TANGO2: variants seen among roughly 807,000 people sequenced by gnomAD.
The protein encoded by TANGO2 is transport and Golgi organization protein 2 homolog.
TANGO2 carries 26 observed loss-of-function variants against 39.1 expected under a neutral mutation model. The observed-to-expected ratio is 0.67, with a 90% CI of 0.49 to 0.92. The LOEUF (loss-of-function observed/expected upper bound fraction) is 0.92. Among genes scored for constraint, TANGO2 ranks in the 40% least tolerant of loss-of-function variants. The pLI is 0.00. For missense variants in TANGO2, 326 were observed against 360.1 expected, an observed-to-expected ratio of 0.91 and a Z score of 0.77; for synonymous variants, 131 against 144.5, an observed-to-expected ratio of 0.91 and a Z score of 0.67.
At position 20,057,493 on chromosome 22, in the gene TANGO2, C is replaced by T. The variant is rs544564360; in HGVS notation, c.451+1480C>T. ...ACCTGGGGCTTATCCTTCCGGCCAC[C>T]CTCTGTGACCCTGGTCTTCCCCTCC... On this transcript the variant is annotated intron_variant, in intron 6 of 8. Coordinates refer to ENST00000327374, the MANE Select transcript of TANGO2 (RefSeq NM_152906.7). This position sits in a 1 kb window ranked among gnomAD's most constrained non-coding sequence, Gnocchi z 4.1. Among the ~76,000 whole-genome samples the T allele has an allele frequency of 5.7e-4, 87 of 152,332 alleles. 1 individual carries two copies. The highest frequency in any genetic ancestry group is 2.0e-3 in the Admixed American group (30 of 15,308).
In TANGO2 at chr22:20,065,445, A is replaced by G. The variant is rs1226320095; in HGVS notation, c.*783A>G. On this transcript the variant is annotated 3_prime_UTR_variant, in exon 9 of 9. Transcript: ENST00000327374. ...CAACCTCCGCCTCCCAAGTTCAAGC[A>G]ATTCTCCTGCCCCAGCCTCCTGATT... 1 of 151,804 alleles carries G rather than the reference A, an allele frequency of 6.6e-6. No homozygotes were observed. The highest frequency in any genetic ancestry group is 1.5e-5 in the Non-Finnish European group (1 of 68,034). The allele number at this position is 151,804 out of a possible 1,614,324, so 9.4% of individuals were successfully genotyped here.
intron 6 of TANGO2, among the ~76,000 whole-genome samples, chr22:20,059,520 C>T (rs1296668691): frequency 6.6e-6 from 1 of 152,226 alleles, no homozygotes; most frequent in East Asian, 1.9e-4. Flanking sequence ...CGGGTTGCAG[C>T]TTCTCTGAAT....
intron 8 of TANGO2, among the ~76,000 whole-genome samples, chr22:20,063,785 T>G (rs758204422): frequency 7.9e-4 from 121 of 152,356 alleles, no homozygotes; most frequent in Non-Finnish European, 1.5e-3. Context: ...GGCCAGCCTT[T>G]CCTGCCTGGG....
upstream of TANGO2, among the ~76,000 whole-genome samples, chr22:20,017,604 C>T (rs1457867910): frequency 2.0e-5 from 3 of 152,208 alleles, no homozygotes; most frequent in Admixed American, 6.5e-5. Flanking sequence ...CACAGCTCTG[C>T]GTCTGGGGAG....
chr22:20,021,099 C>G (rs1165891016), upstream of TANGO2: 1 of 153,232 alleles, frequency 6.5e-6, no homozygotes, highest in African/African-American at 2.4e-5. Context: ...GGCGCGCGGG[C>G]GCGGCACCCG....
In TANGO2 at chr22:20,052,453, C is replaced by A. The variant is rs1332186692; in HGVS notation, c.146-12C>A. 3.8e-6 allele frequency: 6 copies of A among 1,592,316 alleles called. No individual in the cohort carries two copies. In the Admixed American group the frequency reaches 1.1e-4, roughly 28 times the overall value. ...GTGGCATCAATGGTGGTAACACTGTCATCTGCCACAGGGCTGGACATGGAG... is the reference window on the plus strand; with the variant it reads ...GTGGCATCAATGGTGGTAACACTGTAATCTGCCACAGGGCTGGACATGGAG... On this transcript the variant is annotated splice_polypyrimidine_tract_variant and intron_variant, in intron 3 of 8. Coordinates refer to ENST00000327374, the MANE Select transcript of TANGO2 (RefSeq NM_152906.7).
intron 5 of TANGO2, chr22:20,053,832 G>C (rs1011389969): frequency 4.2e-6 from 2 of 477,800 alleles, no homozygotes; most frequent in Non-Finnish European, 8.3e-6. Context: ...GGCTCTGGCC[G>C]GGTGTCCTCC....
Position 20,057,392 on chromosome 22 carries a change from G to A in TANGO2, c.451+1379G>A, listed in dbSNP as rs1403997967. On this transcript the variant is annotated intron_variant, in intron 6 of 8. Coordinates refer to ENST00000327374, the MANE Select transcript of TANGO2 (RefSeq NM_152906.7). The surrounding 1 kb of genome is among the most constrained non-coding windows in gnomAD (Gnocchi z 4.1). The stretch of plus-strand genomic sequence containing the variant: ...TGGGCTAGTTGGGATCTCCAGAGGA[G>A]GCATCTGCCTGGAGGGTGGCTTCCA... Among the ~76,000 whole-genome samples the A allele has an allele frequency of 6.6e-6, 1 of 152,184 alleles. No homozygotes were observed. Among genetic ancestry groups the A allele is most frequent in the Non-Finnish European group, 1.5e-5 (1 of 68,022 alleles).
chr22:20,039,283 C>G (rs2043450222), intron 2 of TANGO2, among the ~76,000 whole-genome samples: 1 of 151,966 alleles, frequency 6.6e-6, no homozygotes, highest in Non-Finnish European at 1.5e-5. Context: ...AACCAAGACC[C>G]TGCAGCAAGA....
At chr22:20,023,400 G>A (rs55725292) in intron 1 of TANGO2, among the ~76,000 whole-genome samples, 26,523 of 152,220 alleles carry the variant, frequency 0.17, 3,101 homozygotes, top group Non-Finnish European at 0.25. Context: ...AGGGCCTGAG[G>A]ATGGGGCCAC....
At chr22:20,046,229 T>A (rs2045158136) in intron 3 of TANGO2, among the ~76,000 whole-genome samples, 1 of 152,108 alleles carries the variant, frequency 6.6e-6, no homozygotes, top group African/African-American at 2.4e-5. Context: ...CACTGCAGCC[T>A]CTAACTCCTG....
At chr22:20,021,671 T>C (rs1202774731) in intron 1 of TANGO2, among the ~76,000 whole-genome samples, 1 of 152,082 alleles carries the variant, frequency 6.6e-6, no homozygotes, top group African/African-American at 2.4e-5. Context: ...GAGGTTTGGG[T>C]AGTTAGATCC....
chr22:20,027,500 A>G (rs934288666), intron 1 of TANGO2, among the ~76,000 whole-genome samples: 15 of 152,214 alleles, frequency 9.9e-5, no homozygotes, highest in Non-Finnish European at 2.2e-4. Flanking sequence ...GAACGGAGCA[A>G]TGGGACCCTA....
intron 1 of TANGO2, among the ~76,000 whole-genome samples, chr22:20,022,704 C>T (rs544677183): frequency 3.0e-4 from 45 of 152,362 alleles, no homozygotes; most frequent in Admixed American, 1.2e-3. Flanking sequence ...CTGCGCCAGA[C>T]GGCGAACTTG....
intron 6 of TANGO2, among the ~76,000 whole-genome samples, chr22:20,059,898 C>A (rs1330516094): frequency 1.3e-5 from 2 of 151,646 alleles, no homozygotes; most frequent in East Asian, 3.9e-4. Flanking sequence ...CCAATACTTT[C>A]TTCTTAGAGT....
chr22:20,063,110 C>T (rs2048682010), intron 7 of TANGO2: 4 of 489,144 alleles, frequency 8.2e-6, no homozygotes, highest in South Asian at 6.0e-5. Context: ...GAGCCAAGAT[C>T]GTACCATTGC....
chr22:20,059,696 A>T lies in TANGO2; in HGVS notation c.452-1834A>T, dbSNP rs145546785. 1.4e-4 allele frequency among the ~76,000 whole-genome samples: 21 copies of T among 152,328 alleles called. No homozygotes were observed. The East Asian group carries it at 3.5e-3, about 25-fold the overall frequency. On this transcript the variant is annotated intron_variant, in intron 6 of 8. Transcript: ENST00000327374. The stretch of plus-strand genomic sequence containing the variant: ...GTATGTCTTCTTTGGAGAAATGGTT[A>T]TTCAGACTGGGTTGTCTTTTTGAGT...
chr22:20,037,288 G>T (rs1278407679), intron 2 of TANGO2, among the ~76,000 whole-genome samples: 2 of 152,160 alleles, frequency 1.3e-5, no homozygotes, highest in Non-Finnish European at 2.9e-5. Context: ...TGAGGAAAAA[G>T]AACCTGGGGA....
At chr22:20,033,350 G>C in intron 1 of TANGO2, 1 of 395,980 alleles carries the variant, frequency 2.5e-6, no homozygotes, top group Admixed American at 3.6e-5. Flanking sequence ...TGCCTGGAGG[G>C]CTGGTCTGCT....
Sources: gnomAD v4.1 joint callset for allele counts (sites outside exome capture counted in the v4.1 genomes callset) on GRCh38, gnomAD v4.1.1 for gene constraint, Gnocchi (gnomAD v3.1) non-coding constraint, MANE v1.5 for transcripts, NCBI Gene and HGNC (gene_info 2026-07-23, HGNC 2026-07-21) for gene names.